GRIK5: variants seen among roughly 807,000 people sequenced by gnomAD.
The protein encoded by GRIK5 is glutamate ionotropic receptor kainate type subunit 5.
In GRIK5, 43 loss-of-function variants were observed where a neutral mutation model predicts 97.4. The observed-to-expected ratio is 0.44, with a 90% confidence interval of 0.35 to 0.57. GRIK5 has a LOEUF of 0.57. Among genes scored for constraint, GRIK5 ranks in the 20% least tolerant of loss-of-function variants. GRIK5 has a pLI of 0.01. For missense variants in GRIK5, 1,015 were observed against 1,382.0 expected (o/e 0.73, Z 4.21); for synonymous variants, 580 against 583.5 (o/e 0.99, Z 0.09).
Position 42,002,402 on chromosome 19 carries a change from G to A in GRIK5, c.2514+930C>T. On this transcript the variant is annotated intron_variant, in intron 19 of 19. Transcript: ENST00000593562. This position sits in a 1 kb window ranked among gnomAD's most constrained non-coding sequence, Gnocchi z 5.2. ...GACAACTGATGCTGCAGGAGGAAAG[G>A]ACAGACTTGCCGGAGGGATGTCCTT... is the stretch of plus-strand genomic sequence containing the variant. The A allele has an allele frequency of 1.4e-6, 1 of 717,684 alleles. No homozygotes were observed. The highest frequency in any genetic ancestry group is 1.5e-5 in the South Asian group (1 of 67,600). 44.5% of individuals were successfully genotyped at this position (717,684 alleles called of 1,614,324 possible).
intron 15 of GRIK5, among the ~76,000 whole-genome samples, chr19:42,016,388 T>C (rs111863955): frequency 6.6e-6 from 1 of 152,174 alleles, no homozygotes; most frequent in Non-Finnish European, 1.5e-5. Context: ...GCCACTGCAC[T>C]CTAGCCTGGG....
Position 41,998,805 on chromosome 19 carries a change from T to A in GRIK5, c.*66A>T. ...CCGCGCCCGCTGCGGGAGCGGAGAC[T>A]GCTGGGGCCTGGGGCGGGCCCCGTC... is the stretch of plus-strand genomic sequence containing the variant. On this transcript the variant is annotated 3_prime_UTR_variant, in exon 20 of 20. Coordinates refer to ENST00000593562, the MANE Select transcript of GRIK5 (RefSeq NM_002088.5). 1.2e-6 allele frequency: 1 copy of A among 826,704 alleles called. No homozygotes were observed. Among genetic ancestry groups the A allele is most frequent in the Non-Finnish European group, 1.5e-6 (1 of 664,118 alleles). The allele number at this position is 826,704 out of a possible 1,614,324, so 51.2% of individuals were successfully genotyped here.
intron 19 of GRIK5, among the ~76,000 whole-genome samples, chr19:42,001,451 A>C (rs781819946): frequency 6.6e-6 from 1 of 151,648 alleles, no homozygotes; most frequent in Non-Finnish European, 1.5e-5. Context: ...CTGGTCTTGA[A>C]CTCCTGGCCT....
intron 12 of GRIK5, among the ~76,000 whole-genome samples, chr19:42,028,758 G>A (rs1042534348): frequency 6.6e-6 from 1 of 152,216 alleles, no homozygotes; most frequent in Non-Finnish European, 1.5e-5. Context: ...AGAGTGAGGG[G>A]TGGGAAAGCT....
At chr19:42,008,967 C>T (rs2075526477) in intron 15 of GRIK5, among the ~76,000 whole-genome samples, 1 of 152,180 alleles carries the variant, frequency 6.6e-6, no homozygotes, top group Non-Finnish European at 1.5e-5. Context: ...TAGCTCATGC[C>T]TGTAATCCTA....
In GRIK5 at chr19:42,056,756, A is replaced by C; in HGVS notation, c.809T>G (p.Phe270Cys). 6.2e-7 allele frequency: 1 copy of C among 1,614,076 alleles called. No individual in the cohort carries two copies. Among genetic ancestry groups the C allele is most frequent in the Non-Finnish European group, 8.5e-7 (1 of 1,179,968 alleles). ...DSSNILGFSM[F>C]NTSHPFYPEF... ...AGGGTAGAAGGGGTGGGACGTGTTG[A>C]ACATGGAGAAGCCCAGGATGTTGGA... Residue 270 changes from phenylalanine (F) to cysteine (C), a missense_variant, in exon 8 of 20, where the codon TTC becomes TGC. Around this residue, in one of 5 missense-constraint regions of GRIK5, gnomAD observed 477 missense variants for 701.1 expected, o/e 0.68. Coordinates refer to ENST00000593562, the MANE Select transcript of GRIK5 (RefSeq NM_002088.5).
rs919343410 is a variant in GRIK5 at position 42,057,084 on chromosome 19, G to A, written c.688-106C>T. Reference sequence around the variant, plus strand: ...AGAGATTTAGAGACAGCCCTGGTGAGAAGACACTCCATGGGAAACACAGTA... The same window carrying A: ...AGAGATTTAGAGACAGCCCTGGTGAAAAGACACTCCATGGGAAACACAGTA... On this transcript the variant is annotated intron_variant, in intron 6 of 19. Transcript: ENST00000593562. 10 of 813,062 alleles carry A rather than the reference G, an allele frequency of 1.2e-5. No homozygotes were observed. The African/African-American group carries it at 1.5e-4, about 12-fold the overall frequency. 50.4% of individuals were successfully genotyped at this position (813,062 alleles called of 1,614,324 possible). A position where few individuals can be genotyped will look rare whatever the true frequency, so the allele number is the denominator to read the frequency against.
intron 8 of GRIK5, among the ~76,000 whole-genome samples, chr19:42,054,945 TGGGA>T (rs944669415): frequency 6.6e-6 from 1 of 152,192 alleles, no homozygotes; most frequent in Non-Finnish European, 1.5e-5. Context: ...GTCGCGGGCC[TGGGA>T]GGCAGGTGGC....
chr19:42,025,014 C>T (rs2075752252), intron 12 of GRIK5, among the ~76,000 whole-genome samples: 1 of 152,190 alleles, frequency 6.6e-6, no homozygotes, highest in Non-Finnish European at 1.5e-5. Flanking sequence ...TGCTCAGGGG[C>T]CAGCTTAGAG....
intron 19 of GRIK5, among the ~76,000 whole-genome samples, chr19:42,000,353 G>A (rs454150): frequency 0.87 from 132,184 of 152,196 alleles, 57,548 homozygotes; most frequent in East Asian, 0.89. Context: ...GGACCAGAGC[G>A]ACCTGAGAAA....
At chr19:42,031,687 C>T (rs2075842762) in intron 12 of GRIK5, among the ~76,000 whole-genome samples, 1 of 152,128 alleles carries the variant, frequency 6.6e-6, no homozygotes, top group Admixed American at 6.5e-5. Context: ...GAGAAGGAGC[C>T]TATATAGAAA....
chr19:42,036,905 G>A (rs1013176859), intron 12 of GRIK5, among the ~76,000 whole-genome samples: 7 of 152,168 alleles, frequency 4.6e-5, no homozygotes, highest in African/African-American at 1.7e-4. Context: ...TCTGTCCCCT[G>A]TGATACCCCT....
rs1231617511 is a variant in GRIK5 at position 42,006,128 on chromosome 19, A to G, written c.2038-180T>C. Among the ~76,000 whole-genome samples the G allele has an allele frequency of 2.0e-5, 3 of 152,088 alleles. No homozygotes were observed. Among genetic ancestry groups the G allele is most frequent in the African/African-American group, 7.2e-5 (3 of 41,406 alleles). ...TGGACAAACTGTCCAGGCCAGGTCC[A>G]AGTCATCCCCACAGCCACTGTGCCC... On this transcript the variant is annotated intron_variant, in intron 16 of 19. Transcript: ENST00000593562. This position sits in a 1 kb window ranked among gnomAD's most constrained non-coding sequence, Gnocchi z 5.3.
chr19:42,047,214 A>T (rs554867426), intron 11 of GRIK5, among the ~76,000 whole-genome samples: 9 of 151,938 alleles, frequency 5.9e-5, no homozygotes, highest in African/African-American at 1.7e-4. Context: ...CAATTTTTTT[A>T]AAATTGAAGT....
intron 8 of GRIK5, among the ~76,000 whole-genome samples, chr19:42,055,173 A>G (rs775609348): frequency 3.9e-5 from 6 of 152,184 alleles, no homozygotes; most frequent in African/African-American, 4.8e-5. Context: ...CTAGCCCCCA[A>G]TCTGTGACAC....
chr19:42,005,854 CG>C lies in GRIK5; in HGVS notation c.2131del (p.Arg711AlafsTer15). ...GAAGGCGTAGCGGGAGTTGAGGACGCGGGCAATGCCCTCTTCTGTGCTCTTG... is the reference window on the plus strand; with the variant it reads ...GAAGGCGTAGCGGGAGTTGAGGACGCGGCAATGCCCTCTTCTGTGCTCTTG... ...FVKSTEEGIA[R>X]VLNSRYAFLL... On this transcript the variant is annotated frameshift_variant, in exon 17 of 20. Coordinates refer to ENST00000593562, the MANE Select transcript of GRIK5 (RefSeq NM_002088.5). LOFTEE classifies it high-confidence loss of function. 6.2e-7 allele frequency: 1 copy of C among 1,611,646 alleles called. No homozygotes were observed. The highest frequency in any genetic ancestry group is 8.5e-7 in the Non-Finnish European group (1 of 1,177,868).
chr19:42,042,236 C>T lies in GRIK5; in HGVS notation c.1473+316G>A, dbSNP rs2075985795. ...CCTCCTCAGACCTTTTCCTGCTCCC[C>T]ACTCCATGTCTCTTTCATTCACTTA... is the stretch of plus-strand genomic sequence containing the variant. On this transcript the variant is annotated intron_variant, in intron 12 of 19. Coordinates refer to ENST00000593562, the MANE Select transcript of GRIK5 (RefSeq NM_002088.5). The surrounding 1 kb of genome is among the most constrained non-coding windows in gnomAD (Gnocchi z 6.9). 6.6e-6 allele frequency among the ~76,000 whole-genome samples: 1 copy of T among 152,232 alleles called. No homozygotes were observed. The highest frequency in any genetic ancestry group is 2.4e-5 in the African/African-American group (1 of 41,466).
In GRIK5 at chr19:42,021,688, T is replaced by C. The variant is rs929476380; in HGVS notation, c.1698-214A>G. Among the ~76,000 whole-genome samples the C allele has an allele frequency of 3.4e-5, 5 of 148,642 alleles. No individual in the cohort carries two copies. The East Asian group carries it at 9.9e-4, about 30-fold the overall frequency. On this transcript the variant is annotated intron_variant, in intron 14 of 19. Coordinates refer to ENST00000593562, the MANE Select transcript of GRIK5 (RefSeq NM_002088.5). The surrounding 1 kb of genome is among the most constrained non-coding windows in gnomAD (Gnocchi z 4.2). ...AGACACAGAGATACTCAGAGAGAAA[T>C]AGAGAAGGGAGGAGGCAAAAAAGGG...
Position 42,042,386 on chromosome 19 carries a change from C to G in GRIK5, c.1473+166G>C, listed in dbSNP as rs764932028. Among the ~76,000 whole-genome samples, 4 of 152,240 alleles carry G rather than the reference C, an allele frequency of 2.6e-5. No homozygotes were observed. Among genetic ancestry groups the G allele is most frequent in the South Asian group, 2.1e-4 (1 of 4,832 alleles). ...CCCATCCCACAGCACCCGCCAGGCA[C>G]AGGCATACAGCGCAACATCAGTGAG... On this transcript the variant is annotated intron_variant, in intron 12 of 19. Coordinates refer to ENST00000593562, the MANE Select transcript of GRIK5 (RefSeq NM_002088.5). The surrounding 1 kb of genome is among the most constrained non-coding windows in gnomAD (Gnocchi z 6.9).
Sources: allele counts gnomAD v4.1 joint callset (sites outside exome capture counted in the v4.1 genomes callset), GRCh38; gene constraint gnomAD v4.1.1; regional missense constraint gnomAD v4.1.1; non-coding constraint Gnocchi (gnomAD v3.1); transcripts MANE v1.5; gene names NCBI Gene and HGNC (gene_info 2026-07-23, HGNC 2026-07-21).